Variants in KCTD1 observed in about 807,000 individuals in gnomAD.
KCTD1 encodes the protein BTB/POZ domain-containing protein KCTD1.
A neutral mutation model predicts 66.0 loss-of-function variants in KCTD1; 24 were observed. The observed-to-expected ratio is 0.36, with a 90% CI of 0.26 to 0.51. KCTD1 has a LOEUF of 0.51. Among genes scored for constraint, KCTD1 ranks in the 20% least tolerant of loss-of-function variants. KCTD1 has a pLI of 0.95. For synonymous variants in KCTD1, 511 were observed against 517.2 expected, an observed-to-expected ratio of 0.99 and a Z score of 0.16; for missense variants, 943 against 1,205.2, an observed-to-expected ratio of 0.78 and a Z score of 3.22.
At chr18:26,502,349 C>T (rs957697819) in intron 1 of KCTD1, among the ~76,000 whole-genome samples, 6 of 152,100 alleles carry the variant, frequency 3.9e-5, no homozygotes, top group African/African-American at 7.2e-5. Flanking sequence ...GTGCCCAGCC[C>T]GCCCTGCTAA....
chr18:26,470,737 G>A (rs1481412501), intron 3 of KCTD1, among the ~76,000 whole-genome samples: 1 of 152,258 alleles, frequency 6.6e-6, no homozygotes, highest in Non-Finnish European at 1.5e-5. Context: ...TGCACTGCGT[G>A]TGACCACGGA....
chr18:26,633,316 A>G (rs1246228266), upstream of KCTD1, among the ~76,000 whole-genome samples: 2 of 152,180 alleles, frequency 1.3e-5, no homozygotes, highest in Admixed American at 1.3e-4. Flanking sequence ...ACAAAAATAC[A>G]TTCCCCAGAG....
upstream of KCTD1, among the ~76,000 whole-genome samples, chr18:26,642,818 G>A (rs947172452): frequency 6.2e-5 from 9 of 144,572 alleles, no homozygotes; most frequent in East Asian, 2.2e-4. Flanking sequence ...TTGAAAAGGC[G>A]TAAGAATGCA....
At chr18:26,522,624 A>C (rs566111900) in intron 1 of KCTD1, among the ~76,000 whole-genome samples, 158 of 152,262 alleles carry the variant, frequency 1.0e-3, no homozygotes, top group African/African-American at 2.3e-3. Context: ...TAACTTTCTC[A>C]GGTTTAATCA....
intron 1 of KCTD1, among the ~76,000 whole-genome samples, chr18:26,532,097 G>A (rs1299400116): frequency 6.6e-6 from 1 of 152,096 alleles, no homozygotes; most frequent in Non-Finnish European, 1.5e-5. Context: ...GTGGTATGCT[G>A]GGATGAGGAT....
At chr18:26,518,075 C>A (rs895645154) in intron 1 of KCTD1, among the ~76,000 whole-genome samples, 4 of 152,198 alleles carry the variant, frequency 2.6e-5, no homozygotes, top group Non-Finnish European at 4.4e-5. Context: ...GCTGTACACC[C>A]CCATCTCTAG....
intron 1 of KCTD1, among the ~76,000 whole-genome samples, chr18:26,532,061 C>T (rs902717237): frequency 1.3e-5 from 2 of 151,936 alleles, no homozygotes; most frequent in South Asian, 4.2e-4. Context: ...AGATCTCAGC[C>T]CTTGAGCAAT....
At chr18:26,631,306 A>T (rs540726834), upstream of KCTD1, among the ~76,000 whole-genome samples, 2 of 152,314 alleles carry the variant, frequency 1.3e-5, no homozygotes, top group East Asian at 3.9e-4. Context: ...TTGTTCAAAC[A>T]TCACTAGGTA....
At chr18:26,525,016 A>C (rs1160466835) in intron 1 of KCTD1, among the ~76,000 whole-genome samples, 1 of 152,202 alleles carries the variant, frequency 6.6e-6, no homozygotes, top group Non-Finnish European at 1.5e-5. Flanking sequence ...ATATCAAAAA[A>C]GTTCATTTCC....
intron 1 of KCTD1, among the ~76,000 whole-genome samples, chr18:26,514,493 T>C (rs1342809793): frequency 6.9e-6 from 1 of 144,904 alleles, no homozygotes; most frequent in Non-Finnish European, 1.5e-5. Flanking sequence ...GAGGCTGCAG[T>C]GAGCTATGAT....
upstream of KCTD1, among the ~76,000 whole-genome samples, chr18:26,644,319 C>T (rs982854411): frequency 2.6e-5 from 4 of 152,056 alleles, no homozygotes; most frequent in South Asian, 2.1e-4. Flanking sequence ...AAGGACCGAC[C>T]GTTGGCAAGA....
At chr18:26,604,889 A>T (rs1598963166) in intron 1 of KCTD1, among the ~76,000 whole-genome samples, 1 of 152,290 alleles carries the variant, frequency 6.6e-6, no homozygotes, top group East Asian at 1.9e-4. Context: ...TGAACCTAAA[A>T]TAAAAGTTAA....
chr18:26,558,932 CAAAAAAAGAAAAA>C (rs1377966350), intron 1 of KCTD1, among the ~76,000 whole-genome samples: 1 of 146,002 alleles, frequency 6.8e-6, no homozygotes, highest in Non-Finnish European at 1.5e-5. Context: ...CAAAAAGAAG[CAAAAAAAGAAAAA>C]AAAAAGAGAA....
chr18:26,570,354 G>A (rs1986079561), intron 1 of KCTD1, among the ~76,000 whole-genome samples: 1 of 151,996 alleles, frequency 6.6e-6, no homozygotes, highest in Admixed American at 6.6e-5. Context: ...TACTCTGAGT[G>A]TAACTCCATT....
chr18:26,612,548 A>G (rs1987159295), intron 1 of KCTD1, among the ~76,000 whole-genome samples: 1 of 152,206 alleles, frequency 6.6e-6, no homozygotes, highest in Non-Finnish European at 1.5e-5. Context: ...GAAGATGGTC[A>G]TCTACAAGCC....
At chr18:26,505,783 T>G (rs920990485) in intron 1 of KCTD1, among the ~76,000 whole-genome samples, 9 of 152,170 alleles carry the variant, frequency 5.9e-5, no homozygotes, top group African/African-American at 1.9e-4. Flanking sequence ...GGTCTTAAAC[T>G]CCTGGCCTCA....
chr18:26,470,426 A>C (rs536960852), intron 3 of KCTD1, among the ~76,000 whole-genome samples: 1 of 152,304 alleles, frequency 6.6e-6, no homozygotes, highest in South Asian at 2.1e-4. Flanking sequence ...GCCTTGACTG[A>C]GGATGTGACG....
chr18:26,590,884 T>A (rs560707353), intron 1 of KCTD1, among the ~76,000 whole-genome samples: 1 of 152,280 alleles, frequency 6.6e-6, no homozygotes, highest in South Asian at 2.1e-4. Context: ...CTAATAATTT[T>A]TTTCTAAAGG....
At chr18:26,622,135 C>A (rs745836873) in intron 1 of KCTD1, among the ~76,000 whole-genome samples, 18 of 152,062 alleles carry the variant, frequency 1.2e-4, no homozygotes, top group Non-Finnish European at 2.1e-4. Context: ...TCCAATACAA[C>A]TATGGCTTGC....
Sources: gnomAD v4.1 joint callset for allele counts (sites outside exome capture counted in the v4.1 genomes callset) on GRCh38, gnomAD v4.1.1 for gene constraint, MANE v1.5 for transcripts, NCBI Gene and HGNC (gene_info 2026-07-23, HGNC 2026-07-21) for gene names.